ZNF326: variants seen among roughly 807,000 people sequenced by gnomAD.
ZNF326 encodes the protein zinc finger protein 326, also known as DBIRD complex subunit ZNF326.
Under a neutral mutation model 63.1 loss-of-function variants are expected in ZNF326, and 30 were observed. The observed-to-expected ratio is 0.48, with a 90% CI of 0.36 to 0.64. The LOEUF is 0.64. ZNF326 is among the 30% of genes least tolerant of loss of function. The pLI, the probability that ZNF326 is intolerant of heterozygous loss-of-function variation, is 0.00. For missense variants in ZNF326, 609 were observed against 720.3 expected (o/e 0.85, Z 1.77); for synonymous variants, 194 against 228.2 (o/e 0.85, Z 1.35).
rs1649022989 is a variant in ZNF326 at position 90,007,081 on chromosome 1, A to G, written c.210-264A>G. Among the ~76,000 whole-genome samples the G allele has an allele frequency of 1.3e-5, 2 of 152,222 alleles. No individual in the cohort carries two copies. The stretch of plus-strand genomic sequence containing the variant: ...AGACAAATCTTTTCTTCTTCATAAA[A>G]TAGAAAAGCTGCTAAGAAGCAGATT... On this transcript the variant is annotated intron_variant, in intron 4 of 11. Transcript: ENST00000340281. This position sits in a 1 kb window ranked among gnomAD's most constrained non-coding sequence, Gnocchi z 4.9.
chr1:90,008,647 A>C (rs181297698), intron 5 of ZNF326, among the ~76,000 whole-genome samples: 21 of 152,296 alleles, frequency 1.4e-4, no homozygotes, highest in Non-Finnish European at 2.9e-4. Context: ...TAATGTAAGA[A>C]TCCTTTTAAG....
At position 90,018,820 on chromosome 1, in the gene ZNF326, A is replaced by G. The variant is rs762332213; in HGVS notation, c.1174+36A>G. The G allele has an allele frequency of 4.8e-6, 6 of 1,245,438 alleles. No homozygotes were observed. The African/African-American group carries it at 6.2e-5, about 13-fold the overall frequency. 77.1% of individuals were successfully genotyped at this position (1,245,438 alleles called of 1,614,324 possible). A position where few individuals can be genotyped will look rare whatever the true frequency, so the allele number is the denominator to read the frequency against. On this transcript the variant is annotated intron_variant, in intron 9 of 11. Coordinates refer to ENST00000340281, the MANE Select transcript of ZNF326 (RefSeq NM_182976.4). ...AAAACAAATTATTTTAAAATTCTAC[A>G]TGTATTTTTATATATCATAACCTGT... is the stretch of plus-strand genomic sequence containing the variant.
chr1:90,014,092 A>G (rs1261501718), intron 7 of ZNF326, among the ~76,000 whole-genome samples: 3 of 152,040 alleles, frequency 2.0e-5, no homozygotes, highest in African/African-American at 7.2e-5. Context: ...AATTGGTTGA[A>G]CAATGAAATA....
At chr1:90,009,971 T>TA in intron 5 of ZNF326, 117 bp from the exon 6 acceptor site, 1 of 960,312 alleles carries the variant, frequency 1.0e-6, no homozygotes, top group South Asian at 1.8e-5. Flanking sequence ...AAAATTTAGT[T>TA]ACATTCCAGG....
In ZNF326 at chr1:90,013,244, ACT is replaced by A; in HGVS notation, c.926+8_926+9del. ...AATACGGAGATGGATACAGGTTTGT[ACT>A]TAGAGTCAGAAAATTAGGTTCATTA... On this transcript the variant is annotated splice_region_variant and intron_variant, in intron 7 of 11. Coordinates refer to ENST00000340281, the MANE Select transcript of ZNF326 (RefSeq NM_182976.4). The A allele has an allele frequency of 6.5e-7, 1 of 1,537,074 alleles. No homozygotes were observed. Among genetic ancestry groups the A allele is most frequent in the Non-Finnish European group, 8.8e-7 (1 of 1,141,308 alleles).
chr1:90,004,565 C>A (rs1327182454), intron 2 of ZNF326, among the ~76,000 whole-genome samples: 2 of 152,036 alleles, frequency 1.3e-5, no homozygotes, highest in South Asian at 4.1e-4. Flanking sequence ...GAAAATAATT[C>A]TGTGGCCAGG....
At position 90,010,155 on chromosome 1, in the gene ZNF326, A is replaced by G. The variant is rs747208223; in HGVS notation, c.683A>G (p.Asn228Ser). 17 of 1,613,758 alleles carry G rather than the reference A, an allele frequency of 1.1e-5. No individual in the cohort carries two copies. Among genetic ancestry groups the G allele is most frequent in the South Asian group, 4.4e-5 (4 of 91,080 alleles). Residue 228 changes from asparagine (N) to serine (S), a missense_variant, in exon 6 of 12, where the codon AAT becomes AGT. This residue lies in a region of ZNF326 where 399 missense variants were observed against 444.3 expected (regional missense o/e 0.90). Coordinates refer to ENST00000340281, the MANE Select transcript of ZNF326 (RefSeq NM_182976.4). ...IVVDYQNKST[N>S]VTVAAARGIK... ...GTTGACTATCAAAACAAATCCACCA[A>G]TGTGACAGTTGCTGCTGCAAGAGGA...
At chr1:90,023,808 G>A (rs532076888) in intron 11 of ZNF326, among the ~76,000 whole-genome samples, 1 of 152,294 alleles carries the variant, frequency 6.6e-6, no homozygotes, top group African/African-American at 2.4e-5. Context: ...GATGTCACTG[G>A]TGGGAGTATC....
In ZNF326 at chr1:90,032,847, T is replaced by C. The variant is rs1650331804; in HGVS notation, c.*5146T>C. On this transcript the variant is annotated 3_prime_UTR_variant, in exon 12 of 12. Coordinates refer to ENST00000340281, the MANE Select transcript of ZNF326 (RefSeq NM_182976.4). ...AATAAGGTGAGACTCACAGAGTATA[T>C]GTGCAGAGCATATAATGCAGAGCAT... The C allele has an allele frequency of 6.6e-6, 1 of 152,246 alleles. No homozygotes were observed. The highest frequency in any genetic ancestry group is 1.5e-5 in the Non-Finnish European group (1 of 68,044). The allele number at this position is 152,246 out of a possible 1,614,324, so 9.4% of individuals were successfully genotyped here. A position where few individuals can be genotyped will look rare whatever the true frequency, so the allele number is the denominator to read the frequency against.
chr1:90,028,089 A>G lies in ZNF326; in HGVS notation c.*388A>G, dbSNP rs528222551. The G allele has an allele frequency of 1.2e-4, 23 of 188,308 alleles. No individual in the cohort carries two copies. Among genetic ancestry groups the G allele is most frequent in the African/African-American group, 3.3e-4 (14 of 41,976 alleles). The allele number at this position is 188,308 out of a possible 1,614,324, so 11.7% of individuals were successfully genotyped here. A position where few individuals can be genotyped will look rare whatever the true frequency, so the allele number is the denominator to read the frequency against. ...TTTTTGAATACTTACCCTGGAAGAT[A>G]TAAACTGGGCAAGTATTTTGTGCTC... On this transcript the variant is annotated 3_prime_UTR_variant, in exon 12 of 12. Coordinates refer to ENST00000340281, the MANE Select transcript of ZNF326 (RefSeq NM_182976.4).
intron 8 of ZNF326, 45 bp from the exon 9 acceptor site, chr1:90,018,640 G>A (rs1325549980): frequency 3.6e-6 from 4 of 1,103,820 alleles, no homozygotes; most frequent in Non-Finnish European, 5.4e-6. Flanking sequence ...TTATACTTGA[G>A]TGCTCATTGA....
chr1:90,021,966 G>A (rs1649790052), intron 10 of ZNF326, among the ~76,000 whole-genome samples: 1 of 152,052 alleles, frequency 6.6e-6, no homozygotes, highest in Non-Finnish European at 1.5e-5. Context: ...GGGGGCTGGG[G>A]AGGCAGATGT....
chr1:90,002,336 A>C (rs1446801572), intron 2 of ZNF326, among the ~76,000 whole-genome samples: 2 of 152,206 alleles, frequency 1.3e-5, no homozygotes, highest in Admixed American at 1.3e-4. Context: ...TTATGATTAT[A>C]GTGAAATAAA....
rs1273465962 is a variant in ZNF326 at position 90,027,706 on chromosome 1, A to G, written c.*5A>G. 2.5e-6 allele frequency: 4 copies of G among 1,613,314 alleles called. No homozygotes were observed. Among genetic ancestry groups the G allele is most frequent in the Non-Finnish European group, 2.5e-6 (3 of 1,179,496 alleles). On this transcript the variant is annotated 3_prime_UTR_variant, in exon 12 of 12. Transcript: ENST00000340281. ...GAGCAACCTGAAGAAAATTAAATATAAGGTATTAGATTTAAAAGGAGCTTT... is the reference window on the plus strand; with the variant it reads ...GAGCAACCTGAAGAAAATTAAATATGAGGTATTAGATTTAAAAGGAGCTTT...
chr1:90,011,476 A>G (rs1438733190), intron 6 of ZNF326, among the ~76,000 whole-genome samples: 2 of 151,956 alleles, frequency 1.3e-5, no homozygotes, highest in African/African-American at 4.8e-5. Context: ...CAAAAGGATA[A>G]GCAGTGCATA....
chr1:90,009,944 T>C lies in ZNF326; in HGVS notation c.616-144T>C, dbSNP rs907017226. 1.6e-5 allele frequency: 11 copies of C among 694,780 alleles called. No homozygotes were observed. In the South Asian group the frequency reaches 2.4e-4, roughly 15 times the overall value. The allele number at this position is 694,780 out of a possible 1,614,324, so 43.0% of individuals were successfully genotyped here. On this transcript the variant is annotated intron_variant, in intron 5 of 11. Transcript: ENST00000340281. ...ATTTACAGAGTTTTTCAATGTGTTT[T>C]TTCAGAATGGACATGTAAAATTTAG...
chr1:90,020,094 G>A (rs1050052367), intron 9 of ZNF326, among the ~76,000 whole-genome samples: 5 of 151,890 alleles, frequency 3.3e-5, no homozygotes, highest in Non-Finnish European at 5.9e-5. Context: ...TAGTATTTCC[G>A]AAGTAGTTTC....
chr1:89,996,283 T>C (rs544456960), intron 1 of ZNF326, among the ~76,000 whole-genome samples: 1 of 152,318 alleles, frequency 6.6e-6, no homozygotes, highest in South Asian at 2.1e-4. Context: ...GTAAAACCAG[T>C]TCACTAAGTA....
In ZNF326 at chr1:90,027,463, ATG is replaced by A. The variant is rs1650066174; in HGVS notation, c.1512_1513del (p.Asp504GlufsTer69). The A allele has an allele frequency of 2.5e-6, 4 of 1,613,342 alleles. No individual in the cohort carries two copies. Among genetic ancestry groups the A allele is most frequent in the East Asian group, 2.2e-5 (1 of 44,876 alleles). Reference sequence around the variant, plus strand: ...CCTATTGAAGAAGAGGAGGATGAAGATGAGGAAGAAGAAGCAGAGGAAGTGGG... The same window carrying A: ...CCTATTGAAGAAGAGGAGGATGAAGAAGGAAGAAGAAGCAGAGGAAGTGGG... On this transcript the variant is annotated frameshift_variant, in exon 12 of 12. Coordinates refer to ENST00000340281, the MANE Select transcript of ZNF326 (RefSeq NM_182976.4). LOFTEE classifies it low-confidence loss of function (END_TRUNC).
Sources: allele counts gnomAD v4.1 joint callset (sites outside exome capture counted in the v4.1 genomes callset), GRCh38; gene constraint gnomAD v4.1.1; regional missense constraint gnomAD v4.1.1; non-coding constraint Gnocchi (gnomAD v3.1); transcripts MANE v1.5; gene names NCBI Gene and HGNC (gene_info 2026-07-23, HGNC 2026-07-21).